The following WNK2 variants were observed in gnomAD, a reference collection of about 807,000 sequenced individuals.
The protein encoded by WNK2 is WNK lysine deficient protein kinase 2.
A neutral mutation model predicts 192.1 loss-of-function variants in WNK2; 67 were observed. The ratio of observed to expected loss-of-function variants is 0.35; its 90% CI spans 0.29 to 0.43. The LOEUF (loss-of-function observed/expected upper bound fraction) is 0.43, where lower values mean the gene tolerates loss of function less well. Ranked by LOEUF, WNK2 falls within the 20% of genes least tolerant of loss-of-function variation. WNK2 has a pLI of 1.00. For synonymous variants in WNK2, 1,439 were observed against 1,393.9 expected (o/e 1.03, Z -0.72); for missense variants, 2,698 against 3,089.7 (o/e 0.87, Z 3.01).
Position 93,300,169 on chromosome 9 carries a change from T to C in WNK2, c.6214+20T>C, listed in dbSNP as rs1421245617. 6.2e-7 allele frequency: 1 copy of C among 1,601,130 alleles called. No individual in the cohort carries two copies. Among genetic ancestry groups the C allele is most frequent in the Non-Finnish European group, 8.5e-7 (1 of 1,169,638 alleles). On this transcript the variant is annotated intron_variant, in intron 26 of 29. Transcript: ENST00000427277. ...CCATCTGTCTGTATTTGTTCTTTTG[T>C]ATTTTATCACCTCCTGGCCCTTGGT...
At chr9:93,295,827 T>TTGTCC (rs1850206092) in intron 23 of WNK2, among the ~76,000 whole-genome samples, 1 of 134,230 alleles carries the variant, frequency 7.4e-6, no homozygotes, top group African/African-American at 2.9e-5. Flanking sequence ...CCCCTCTCCA[T>TTGTCC]CCTCAACTCA....
chr9:93,297,546 T>A (rs1480232131), intron 23 of WNK2, among the ~76,000 whole-genome samples: 1 of 152,250 alleles, frequency 6.6e-6, no homozygotes, highest in Non-Finnish European at 1.5e-5. Flanking sequence ...GGGACTTTCA[T>A]TGCAAGTATC....
intron 26 of WNK2, 115 bp from the exon 27 acceptor site, chr9:93,306,662 C>A: frequency 7.5e-7 from 1 of 1,326,170 alleles, no homozygotes. Flanking sequence ...TGAACTGCTG[C>A]CTGTGTCTGC....
chr9:93,208,104 C>T (rs1360157361), intron 2 of WNK2, among the ~76,000 whole-genome samples: 3 of 152,206 alleles, frequency 2.0e-5, no homozygotes, highest in African/African-American at 7.2e-5. Context: ...CCAGACAGAA[C>T]ACACAAACAT....
At chr9:93,189,783 A>G (rs1291579361) in intron 2 of WNK2, among the ~76,000 whole-genome samples, 1 of 152,250 alleles carries the variant, frequency 6.6e-6, no homozygotes, top group Non-Finnish European at 1.5e-5. Flanking sequence ...TGGGCCACGC[A>G]GCCTTAGGCC....
At chr9:93,300,659 A>T (rs1851451415) in intron 26 of WNK2, among the ~76,000 whole-genome samples, 1 of 152,160 alleles carries the variant, frequency 6.6e-6, no homozygotes, top group African/African-American at 2.4e-5. Context: ...GCGAGCCTAT[A>T]CGGTTCTAAA....
chr9:93,187,111 A>G (rs1022402803), intron 2 of WNK2, among the ~76,000 whole-genome samples: 4 of 152,158 alleles, frequency 2.6e-5, no homozygotes, highest in African/African-American at 4.8e-5. Context: ...CTGCCTCTGC[A>G]GGGTGGTGGA....
intron 21 of WNK2, among the ~76,000 whole-genome samples, chr9:93,290,451 C>T (rs1316909603): frequency 6.6e-6 from 1 of 152,032 alleles, no homozygotes; most frequent in East Asian, 1.9e-4. Flanking sequence ...ACTGGATGCC[C>T]CTGACTTAAT....
intron 5 of WNK2, among the ~76,000 whole-genome samples, chr9:93,237,087 A>C (rs926466773): frequency 6.6e-6 from 1 of 152,190 alleles, no homozygotes; most frequent in Non-Finnish European, 1.5e-5. Context: ...TCTGAATGGT[A>C]GGAGACCAGG....
At chr9:93,233,901 C>T (rs1404139984) in intron 4 of WNK2, among the ~76,000 whole-genome samples, 3 of 152,044 alleles carry the variant, frequency 2.0e-5, no homozygotes, top group East Asian at 1.9e-4. Flanking sequence ...GCATTCAGCG[C>T]GACAGACATG....
At chr9:93,267,984 T>G (rs1216586227) in intron 17 of WNK2, 36 bp from the exon 18 acceptor site, 11 of 1,607,490 alleles carry the variant, frequency 6.8e-6, no homozygotes, top group Admixed American at 1.7e-5. Flanking sequence ...GCGCTGCAGC[T>G]CAGTGGGCTC....
chr9:93,276,738 A>C (rs1298318358), intron 19 of WNK2, among the ~76,000 whole-genome samples: 2 of 152,234 alleles, frequency 1.3e-5, no homozygotes, highest in Non-Finnish European at 2.9e-5. Context: ...TAAAATGAGC[A>C]TAAAAAATGA....
At position 93,226,443 on chromosome 9, in the gene WNK2, AT is replaced by A. The variant is rs1217595094; in HGVS notation, c.682-3246del. Among the ~76,000 whole-genome samples the A allele has an allele frequency of 5.3e-5, 8 of 150,894 alleles. 1 individual carries two copies. The South Asian group carries it at 1.5e-3, about 28-fold the overall frequency. On this transcript the variant is annotated intron_variant, in intron 2 of 29. Transcript: ENST00000427277. ...TCTACTTCTCTCATTTGGTCTTTGG[AT>A]TTTTTTCCTTTTTTTTTGTTTTTAC...
intron 2 of WNK2, among the ~76,000 whole-genome samples, chr9:93,224,616 A>G (rs892710021): frequency 3.3e-5 from 5 of 152,096 alleles, no homozygotes; most frequent in Non-Finnish European, 7.4e-5. Flanking sequence ...TTTTTCCTAG[A>G]GCAAATAAGA....
chr9:93,294,121 C>G (rs533552082), intron 23 of WNK2, among the ~76,000 whole-genome samples: 1 of 152,324 alleles, frequency 6.6e-6, no homozygotes, highest in Non-Finnish European at 1.5e-5. Flanking sequence ...TAAGTCGTGT[C>G]CTGTTGGAAA....
intron 2 of WNK2, among the ~76,000 whole-genome samples, chr9:93,200,967 G>T (rs1832236757): frequency 6.6e-6 from 1 of 152,202 alleles, no homozygotes; most frequent in South Asian, 2.1e-4. Flanking sequence ...AGGGACCGAT[G>T]ATATTTTTTA....
At chr9:93,192,297 G>T (rs1469984250) in intron 2 of WNK2, among the ~76,000 whole-genome samples, 1 of 151,922 alleles carries the variant, frequency 6.6e-6, no homozygotes, top group Non-Finnish European at 1.5e-5. Context: ...CGGCGACAGA[G>T]CGAGACTCCG....
At chr9:93,253,864 G>T (rs768375346) in intron 9 of WNK2, among the ~76,000 whole-genome samples, 7 of 152,176 alleles carry the variant, frequency 4.6e-5, no homozygotes, top group South Asian at 2.1e-4. Context: ...AGCCACAGAG[G>T]GGTTGCCCAT....
intron 2 of WNK2, among the ~76,000 whole-genome samples, chr9:93,188,628 C>G (rs923368884): frequency 2.0e-5 from 3 of 152,214 alleles, no homozygotes; most frequent in Non-Finnish European, 4.4e-5. Context: ...TCCTTGCCCA[C>G]ATGTCCTGTG....
Sources: gnomAD v4.1 joint callset for allele counts (sites outside exome capture counted in the v4.1 genomes callset) on GRCh38, gnomAD v4.1.1 for gene constraint, MANE v1.5 for transcripts, NCBI Gene and HGNC (gene_info 2026-07-23, HGNC 2026-07-21) for gene names.